Variants in LRCH4 observed in about 807,000 individuals in gnomAD.
LRCH4 encodes leucine rich repeats and calponin homology domain containing 4.
A neutral mutation model predicts 81.2 loss-of-function variants in LRCH4; 56 were observed. The ratio of observed to expected loss-of-function variants is 0.69; its 90% CI spans 0.56 to 0.86. The LOEUF is 0.86. Among genes scored for constraint, LRCH4 ranks in the 40% least tolerant of loss-of-function variants. LRCH4 has a pLI of 0.00. For missense variants in LRCH4, 895 were observed against 922.8 expected (o/e 0.97, Z 0.39); for synonymous variants, 442 against 409.7 (o/e 1.08, Z -0.95).
At chr7:100,581,533 G>T (rs1801555678) in intron 4 of LRCH4, 1 of 448,200 alleles carries the variant, frequency 2.2e-6, no homozygotes, top group Non-Finnish European at 4.0e-6. Flanking sequence ...GGCCCCAGAG[G>T]GCTGTCTCTG....
Position 100,577,359 on chromosome 7 carries a change from C to G in LRCH4, c.1209G>C (p.Arg403=). The change falls in exon 11 of 18, where the codon CGG becomes CGC. Residue 403 remains arginine (R), a synonymous_variant. Coordinates refer to ENST00000310300, the MANE Select transcript of LRCH4 (RefSeq NM_002319.5). The surrounding 1 kb of genome is among the most constrained non-coding windows in gnomAD (Gnocchi z 6.7). ...GCCACAGCTGCAAGGTGTCCGGGCG[C>G]CGCCGCTCCTCCCCTGCCGGCTCCT... The part of the protein sequence containing the change: ...RREEPAGEER[R]RPDTLQLWQE... 1.9e-6 allele frequency: 3 copies of G among 1,599,610 alleles called. No homozygotes were observed. The African/African-American group carries it at 4.0e-5, about 21-fold the overall frequency.
At position 100,575,325 on chromosome 7, in the gene LRCH4, TGGACAA is replaced by T; in HGVS notation, c.1855-27_1855-22del. The stretch of plus-strand genomic sequence containing the variant: ...TCAGCCTGGGGGAGAGGAGAGCAGG[TGGACAA>T]GGACAAGGGACAGACGTCAGCAGCA... On this transcript the variant is annotated intron_variant, in intron 17 of 17. Coordinates refer to ENST00000310300, the MANE Select transcript of LRCH4 (RefSeq NM_002319.5). This position sits in a 1 kb window ranked among gnomAD's most constrained non-coding sequence, Gnocchi z 5.3. 2 of 1,523,934 alleles carry T rather than the reference TGGACAA, an allele frequency of 1.3e-6. No individual in the cohort carries two copies. Among genetic ancestry groups the T allele is most frequent in the Non-Finnish European group, 1.8e-6 (2 of 1,130,352 alleles). 94.4% of individuals were successfully genotyped at this position (1,523,934 alleles called of 1,614,324 possible). A position where few individuals can be genotyped will look rare whatever the true frequency, so the allele number is the denominator to read the frequency against.
In LRCH4 at chr7:100,576,501, C is replaced by G. The variant is rs950160814; in HGVS notation, c.1553-178G>C. 3 of 666,492 alleles carry G rather than the reference C, an allele frequency of 4.5e-6. No homozygotes were observed. The East Asian group carries it at 8.2e-5, about 18-fold the overall frequency. The allele number at this position is 666,492 out of a possible 1,614,324, so 41.3% of individuals were successfully genotyped here. A position where few individuals can be genotyped will look rare whatever the true frequency, so the allele number is the denominator to read the frequency against. ...CTGGTCTTGAATTCCTGGGCTCAAG[C>G]GATCCTCCCACCTGGGCCTCCTAAA... On this transcript the variant is annotated intron_variant, in intron 14 of 17. Transcript: ENST00000310300.
rs760743959 is a variant in LRCH4 at position 100,575,528 on chromosome 7, G to A, written c.1854+177C>T. On this transcript the variant is annotated intron_variant, in intron 17 of 17. Coordinates refer to ENST00000310300, the MANE Select transcript of LRCH4 (RefSeq NM_002319.5). This position sits in a 1 kb window ranked among gnomAD's most constrained non-coding sequence, Gnocchi z 5.3. ...GGGCCTGCAGGGCAGGGGATGTGTAGGACAGGTGACATGCAGGGCAGGGGG... is the reference window on the plus strand; with the variant it reads ...GGGCCTGCAGGGCAGGGGATGTGTAAGACAGGTGACATGCAGGGCAGGGGG... 6.7e-6 allele frequency: 6 copies of A among 894,638 alleles called. No homozygotes were observed. Among genetic ancestry groups the A allele is most frequent in the Admixed American group, 1.7e-5 (1 of 57,878 alleles). 55.4% of individuals were successfully genotyped at this position (894,638 alleles called of 1,614,324 possible).
chr7:100,583,973 C>T lies in LRCH4; in HGVS notation c.221-1514G>A, dbSNP rs1434717680. ...AGGATGTGGTCTGGGAGAGAATGAG[C>T]TGCACTTCTCCTTTGCAAGATGGCC... On this transcript the variant is annotated intron_variant, in intron 1 of 17. Transcript: ENST00000310300. The surrounding 1 kb of genome is among the most constrained non-coding windows in gnomAD (Gnocchi z 4.3). 3 of 358,840 alleles carry T rather than the reference C, an allele frequency of 8.4e-6. No homozygotes were observed. Among genetic ancestry groups the T allele is most frequent in the East Asian group, 7.5e-5 (1 of 13,300 alleles). The allele number at this position is 358,840 out of a possible 1,614,324, so 22.2% of individuals were successfully genotyped here.
chr7:100,577,578 G>A lies in LRCH4; in HGVS notation c.1117-20C>T, dbSNP rs773575806. 9 of 1,611,246 alleles carry A rather than the reference G, an allele frequency of 5.6e-6. No individual in the cohort carries two copies. Among genetic ancestry groups the A allele is most frequent in the South Asian group, 1.1e-5 (1 of 91,086 alleles). ...CTGCTCCTAAGGAGAGAACAGCAGA[G>A]CAGCTGAGGGCAGGCCTGTGCCCAC... On this transcript the variant is annotated intron_variant, in intron 9 of 17. Transcript: ENST00000310300. The surrounding 1 kb of genome is among the most constrained non-coding windows in gnomAD (Gnocchi z 6.7).
chr7:100,585,869 G>T lies in LRCH4; in HGVS notation c.220+12C>A, dbSNP rs1313399471. ...AGGGACCCGGTTGGGCCCGGGGCCC[G>T]GCTGCACTCACCAGCCTGGGTGATG... is the stretch of plus-strand genomic sequence containing the variant. On this transcript the variant is annotated intron_variant, in intron 1 of 17. Coordinates refer to ENST00000310300, the MANE Select transcript of LRCH4 (RefSeq NM_002319.5). 4 of 1,585,602 alleles carry T rather than the reference G, an allele frequency of 2.5e-6. No individual in the cohort carries two copies. Among genetic ancestry groups the T allele is most frequent in the Non-Finnish European group, 3.4e-6 (4 of 1,162,872 alleles).
chr7:100,585,645 G>A (rs1400416153), intron 1 of LRCH4, among the ~76,000 whole-genome samples: 3 of 152,126 alleles, frequency 2.0e-5, no homozygotes, highest in Non-Finnish European at 4.4e-5. Context: ...AGAGAAAGGA[G>A]GAATCTCTCC....
chr7:100,576,634 T>C (rs1454678341), intron 14 of LRCH4, 60 bp downstream of exon 14: 1 of 1,405,220 alleles, frequency 7.1e-7, no homozygotes, highest in African/African-American at 1.4e-5. Flanking sequence ...GGCAGAAGGG[T>C]GATGTAGCCG....
chr7:100,581,935 C>A, intron 3 of LRCH4, 53 bp from the exon 4 acceptor site: 3 of 1,610,416 alleles, frequency 1.9e-6, no homozygotes, highest in Non-Finnish European at 2.5e-6. Context: ...CCAGCAGAAC[C>A]CACCCTCCCA....
Position 100,583,844 on chromosome 7 carries a change from G to T in LRCH4, c.221-1385C>A, listed in dbSNP as rs185506388. ...TTTGTGTGTGTGCATGTGGACGAAGGGGGTGGAGACCGAGTTCTCAGAGTT... is the reference window on the plus strand; with the variant it reads ...TTTGTGTGTGTGCATGTGGACGAAGTGGGTGGAGACCGAGTTCTCAGAGTT... On this transcript the variant is annotated intron_variant, in intron 1 of 17. Transcript: ENST00000310300. This position sits in a 1 kb window ranked among gnomAD's most constrained non-coding sequence, Gnocchi z 4.3. 1.4e-5 allele frequency: 4 copies of T among 282,846 alleles called. No individual in the cohort carries two copies. The highest frequency in any genetic ancestry group is 9.3e-5 in the East Asian group (1 of 10,772). 17.5% of individuals were successfully genotyped at this position (282,846 alleles called of 1,614,324 possible).
chr7:100,579,103 G>T, intron 4 of LRCH4: 1 of 383,304 alleles, frequency 2.6e-6, no homozygotes. Flanking sequence ...CTCCACACTC[G>T]AACCCACCCT....
Position 100,582,339 on chromosome 7 carries a change from G to T in LRCH4, c.341C>A (p.Thr114Lys). ...RCLNPALGNL[T>K]ALTYLNLSRN... ...CCTGAGGTTGAGGTAGGTGAGGGCT[G>T]TGAGATTCCCCAAGGCTGGGTTCAG... The change falls in exon 2 of 18, where the codon ACA becomes AAA. Residue 114 changes from threonine to lysine, a missense_variant. Thr to Lys is a moderately conservative substitution (Grantham distance 78). Transcript: ENST00000310300. This position sits in a 1 kb window ranked among gnomAD's most constrained non-coding sequence, Gnocchi z 5.0. 6.2e-7 allele frequency: 1 copy of T among 1,614,172 alleles called. No individual in the cohort carries two copies. The highest frequency in any genetic ancestry group is 1.1e-5 in the South Asian group (1 of 91,084).
Position 100,577,946 on chromosome 7 carries a change from T to G in LRCH4, c.949-34A>C. The G allele has an allele frequency of 6.4e-7, 1 of 1,569,448 alleles. No individual in the cohort carries two copies. The highest frequency in any genetic ancestry group is 8.8e-7 in the Non-Finnish European group (1 of 1,140,944). Reference sequence around the variant, plus strand: ...GCAGAGGCAGAGATGGGAGATGGCCTCTCTGTACATGGGGGCTCAGGACCT... The same window carrying G: ...GCAGAGGCAGAGATGGGAGATGGCCGCTCTGTACATGGGGGCTCAGGACCT... On this transcript the variant is annotated intron_variant, in intron 7 of 17. Transcript: ENST00000310300. The surrounding 1 kb of genome is among the most constrained non-coding windows in gnomAD (Gnocchi z 6.7).
rs1431278475 is a variant in LRCH4, at chr7:100,586,003, C to T, written c.98G>A (p.Ser33Asn). ...GGCCTCCTCTAGGGCCCGCTCTGCACTGCGTCTCCCCGGCAGACCTGGAGA... is the reference window on the plus strand; with the variant it reads ...GGCCTCCTCTAGGGCCCGCTCTGCATTGCGTCTCCCCGGCAGACCTGGAGA... ...PGSPGLPGRRSAERALEEAVA... is the reference protein window; with the variant it reads ...PGSPGLPGRRNAERALEEAVA... The change falls in exon 1 of 18, where the codon AGT (serine) becomes AAT (asparagine). Residue 33 changes from serine (S) to asparagine (N), a missense_variant. This residue lies in a region of LRCH4 where 360 missense variants were observed against 397.0 expected (regional missense o/e 0.91). Coordinates refer to ENST00000310300, the MANE Select transcript of LRCH4 (RefSeq NM_002319.5). 6.2e-7 allele frequency: 1 copy of T among 1,610,342 alleles called. No homozygotes were observed. Among genetic ancestry groups the T allele is most frequent in the Non-Finnish European group, 8.5e-7 (1 of 1,178,262 alleles).
rs1473010846 is a variant in LRCH4 at position 100,578,462 on chromosome 7, G to A, written c.785C>T (p.Ala262Val). 1 of 1,614,132 alleles carries A rather than the reference G, an allele frequency of 6.2e-7. No individual in the cohort carries two copies. Among genetic ancestry groups the A allele is most frequent in the Admixed American group, 1.7e-5 (1 of 60,016 alleles). ...LHIFKYLSTE[A>V]GQRGSALGDL... Reference sequence around the variant, plus strand: ...CCCCAGGGCCGACCCACGCTGCCCGGCCTCTGTGGACAAATACTTGAAGAT... The same window carrying A: ...CCCCAGGGCCGACCCACGCTGCCCGACCTCTGTGGACAAATACTTGAAGAT... The change falls in exon 6 of 18, where the codon GCC becomes GTC. Residue 262 changes from alanine (A) to valine (V), a missense_variant. Physicochemically the swap from Ala to Val is moderately conservative, Grantham distance 64. Coordinates refer to ENST00000310300, the MANE Select transcript of LRCH4 (RefSeq NM_002319.5). The surrounding 1 kb of genome is among the most constrained non-coding windows in gnomAD (Gnocchi z 5.7).
Position 100,574,984 on chromosome 7 carries a change from T to A in LRCH4, c.*123A>T. On this transcript the variant is annotated 3_prime_UTR_variant, in exon 18 of 18. Coordinates refer to ENST00000310300, the MANE Select transcript of LRCH4 (RefSeq NM_002319.5). ...GAGTGGGGCCTCTGAGGTCAGTGTCTGTGAAGGGGGTGCACTAGTGTCTTT... is the reference window on the plus strand; with the variant it reads ...GAGTGGGGCCTCTGAGGTCAGTGTCAGTGAAGGGGGTGCACTAGTGTCTTT... 1.1e-6 allele frequency: 1 copy of A among 941,040 alleles called. No individual in the cohort carries two copies. The highest frequency in any genetic ancestry group is 1.6e-6 in the Non-Finnish European group (1 of 635,524). 58.3% of individuals were successfully genotyped at this position (941,040 alleles called of 1,614,324 possible). A position where few individuals can be genotyped will look rare whatever the true frequency, so the allele number is the denominator to read the frequency against.
In LRCH4 at chr7:100,577,736, G is replaced by T. The variant is rs1255731370; in HGVS notation, c.1044C>A (p.Asp348Glu). 6.2e-7 allele frequency: 1 copy of T among 1,613,940 alleles called. No individual in the cohort carries two copies. The change falls in exon 9 of 18, where the codon GAC becomes GAA. Residue 348 changes from aspartate to glutamate, a missense_variant. Transcript: ENST00000310300. This position sits in a 1 kb window ranked among gnomAD's most constrained non-coding sequence, Gnocchi z 6.7. ...TGAAGTCAATCTGCACAGGGTCTCC[G>T]TCCGCTGGGGAGGCCAGCATGTCAG... ...PRERKEDGSA[D>E]GDPVQIDFID...
In LRCH4 at chr7:100,576,221, C is replaced by T; in HGVS notation, c.1638+17G>A. 1 of 1,612,750 alleles carries T rather than the reference C, an allele frequency of 6.2e-7. No individual in the cohort carries two copies. The highest frequency in any genetic ancestry group is 8.5e-7 in the Non-Finnish European group (1 of 1,179,250). On this transcript the variant is annotated intron_variant, in intron 15 of 17. Coordinates refer to ENST00000310300, the MANE Select transcript of LRCH4 (RefSeq NM_002319.5). Reference sequence around the variant, plus strand: ...CCGGCCCAGGCCCCTGCCCACGCAGCTCCCGCCTCTGCTCACCTGGCGCAG... The same window carrying T: ...CCGGCCCAGGCCCCTGCCCACGCAGTTCCCGCCTCTGCTCACCTGGCGCAG...
Sources: gnomAD v4.1 joint callset for allele counts (sites outside exome capture counted in the v4.1 genomes callset) on GRCh38, gnomAD v4.1.1 for gene constraint, gnomAD v4.1.1 regional missense constraint, Gnocchi (gnomAD v3.1) non-coding constraint, MANE v1.5 for transcripts, NCBI Gene and HGNC (gene_info 2026-07-23, HGNC 2026-07-21) for gene names.